DLGAP2: variants seen among roughly 807,000 people sequenced by gnomAD.
The protein encoded by DLGAP2 is disks large-associated protein 2.
A neutral mutation model predicts 100.3 loss-of-function variants in DLGAP2; 26 were observed. That is an observed-to-expected ratio of 0.26 (90% CI 0.19 to 0.36). The LOEUF is 0.36. Among genes scored for constraint, DLGAP2 ranks in the 10% least tolerant of loss-of-function variants. The pLI, the probability that DLGAP2 is intolerant of heterozygous loss-of-function variation, is 1.00. For missense variants in DLGAP2, 1,858 were observed against 1,453.2 expected, an observed-to-expected ratio of 1.28 and a Z score of -4.53; for synonymous variants, 886 against 630.1, an observed-to-expected ratio of 1.41 and a Z score of -6.08.
chr8:1,580,511 G>C (rs1273490298), intron 6 of DLGAP2, among the ~76,000 whole-genome samples: 1 of 152,212 alleles, frequency 6.6e-6, no homozygotes, highest in African/African-American at 2.4e-5. Context: ...CACACACATA[G>C]AACCTGAATC....
intron 2 of DLGAP2, among the ~76,000 whole-genome samples, chr8:990,087 G>T (rs1563131435): frequency 6.6e-6 from 1 of 152,056 alleles, no homozygotes; most frequent in African/African-American, 2.4e-5. Flanking sequence ...TTTCATGAAA[G>T]GGGTCATCTA....
chr8:951,110 C>T (rs1038536630), intron 2 of DLGAP2, among the ~76,000 whole-genome samples: 1 of 152,148 alleles, frequency 6.6e-6, no homozygotes, highest in African/African-American at 2.4e-5. Context: ...CATTGTATTG[C>T]CAATATCTTT....
intron 1 of DLGAP2, among the ~76,000 whole-genome samples, chr8:826,692 G>A (rs137951420): frequency 5.9e-5 from 9 of 152,106 alleles, no homozygotes; most frequent in Non-Finnish European, 1.2e-4. Flanking sequence ...TTCTCTGCCC[G>A]TCTGTGCTTC....
At chr8:1,583,219 A>G (rs900056728) in intron 6 of DLGAP2, among the ~76,000 whole-genome samples, 2 of 152,176 alleles carry the variant, frequency 1.3e-5, no homozygotes, top group African/African-American at 4.8e-5. Flanking sequence ...AAGTCATGAG[A>G]TGGCTCCAAG....
rs117579998 is a variant in DLGAP2, at chr8:1,273,810, C to G, written c.106+14927C>G. On this transcript the variant is annotated intron_variant, in intron 3 of 14. Coordinates refer to ENST00000637795, the MANE Select transcript of DLGAP2 (RefSeq NM_001346810.2). The stretch of plus-strand genomic sequence containing the variant: ...CCAGGGAGCTAAGTGGGATTCTGTT[C>G]AAAGAGCAAAAGGCTAGAATGACAT... Among the ~76,000 whole-genome samples, 22 of 152,286 alleles carry G rather than the reference C, an allele frequency of 1.4e-4. No individual in the cohort carries two copies. The East Asian group carries it at 4.2e-3, about 29-fold the overall frequency.
chr8:1,215,128 T>C (rs1177163750), intron 2 of DLGAP2, among the ~76,000 whole-genome samples: 5 of 152,110 alleles, frequency 3.3e-5, no homozygotes, highest in Admixed American at 2.6e-4. Context: ...CTAACAAAAA[T>C]ATGGTACAAA....
chr8:1,168,452 C>A (rs1334331170), intron 2 of DLGAP2, among the ~76,000 whole-genome samples: 1 of 150,102 alleles, frequency 6.7e-6, no homozygotes, highest in Non-Finnish European at 1.5e-5. Context: ...TGAGGAATCG[C>A]CACACTGACT....
chr8:751,845 T>C (rs1820798752), intron 1 of DLGAP2, among the ~76,000 whole-genome samples: 2 of 152,102 alleles, frequency 1.3e-5, no homozygotes, highest in Admixed American at 6.5e-5. Context: ...TAAGTCCTTA[T>C]AGGAAGTTCA....
At chr8:1,599,986 G>A (rs964706900) in intron 6 of DLGAP2, among the ~76,000 whole-genome samples, 3 of 152,020 alleles carry the variant, frequency 2.0e-5, no homozygotes, top group Admixed American at 2.0e-4. Context: ...TTACAATTTG[G>A]TATGTTTTTG....
intron 3 of DLGAP2, among the ~76,000 whole-genome samples, chr8:1,319,370 G>T (rs1800842639): frequency 6.6e-6 from 1 of 152,210 alleles, no homozygotes; most frequent in Non-Finnish European, 1.5e-5. Flanking sequence ...GGTGTTGGGA[G>T]AGAGGCCACG....
chr8:1,471,380 C>A (rs895420857), intron 3 of DLGAP2, among the ~76,000 whole-genome samples: 3 of 151,142 alleles, frequency 2.0e-5, no homozygotes, highest in Non-Finnish European at 2.9e-5. Context: ...CCAGCCTTTC[C>A]CGCCAGCTGC....
chr8:1,171,150 C>A (rs535350769), intron 2 of DLGAP2, among the ~76,000 whole-genome samples: 1,704 of 152,262 alleles, frequency 0.011, 15 homozygotes, highest in Non-Finnish European at 0.017. Context: ...CCCAGTAGTC[C>A]TTCAGGAGAA....
intron 2 of DLGAP2, among the ~76,000 whole-genome samples, chr8:1,134,906 C>T (rs183105174): frequency 1.2e-3 from 184 of 152,310 alleles, no homozygotes; most frequent in Non-Finnish European, 2.1e-3. Context: ...CCCGCCAGGT[C>T]TCTCCCTAAA....
At chr8:1,430,533 T>C (rs759140624) in intron 3 of DLGAP2, among the ~76,000 whole-genome samples, 7 of 152,184 alleles carry the variant, frequency 4.6e-5, no homozygotes, top group Non-Finnish European at 1.0e-4. Context: ...GCCTTGTAGC[T>C]AAGGTGACTC....
chr8:1,328,270 G>A (rs560385364), intron 3 of DLGAP2, among the ~76,000 whole-genome samples: 1 of 151,960 alleles, frequency 6.6e-6, no homozygotes, highest in Admixed American at 6.5e-5. Context: ...TCAAACTCCT[G>A]ACCTCGTGAT....
At chr8:1,261,413 C>T (rs907575467) in intron 3 of DLGAP2, among the ~76,000 whole-genome samples, 1 of 150,290 alleles carries the variant, frequency 6.7e-6, no homozygotes, top group South Asian at 2.1e-4. Context: ...AGGTCAGCTT[C>T]CAGATCTTTA....
At chr8:942,840 G>C (rs988327770) in intron 2 of DLGAP2, among the ~76,000 whole-genome samples, 1 of 152,234 alleles carries the variant, frequency 6.6e-6, no homozygotes, top group Non-Finnish European at 1.5e-5. Flanking sequence ...AGCCAGCAAA[G>C]GGAAAAGGTG....
At chr8:1,486,057 T>C (rs1799229363) in intron 3 of DLGAP2, among the ~76,000 whole-genome samples, 1 of 152,104 alleles carries the variant, frequency 6.6e-6, no homozygotes, top group South Asian at 2.1e-4. Flanking sequence ...AAAAGGAAGA[T>C]CAGTCATCAG....
At chr8:1,489,334 G>A (rs182895095) in intron 3 of DLGAP2, among the ~76,000 whole-genome samples, 115 of 152,310 alleles carry the variant, frequency 7.6e-4, no homozygotes, top group South Asian at 2.9e-3. Flanking sequence ...GGATGGCACC[G>A]GTGACTGGCG....
Sources: allele counts gnomAD v4.1 joint callset (sites outside exome capture counted in the v4.1 genomes callset), GRCh38; gene constraint gnomAD v4.1.1; transcripts MANE v1.5; gene names NCBI Gene and HGNC (gene_info 2026-07-23, HGNC 2026-07-21).